The following SAMSN1 variants were observed in gnomAD, a reference collection of about 807,000 sequenced individuals.
SAMSN1 encodes SAM domain, SH3 domain and nuclear localization signals 1.
In SAMSN1, 31 loss-of-function variants were observed where a neutral mutation model predicts 42.0. That is an observed-to-expected ratio of 0.74 (90% CI 0.55 to 1.00). The LOEUF is 1.00. Ranked by LOEUF, SAMSN1 falls within the 50% of genes least tolerant of loss-of-function variation. SAMSN1 has a pLI of 0.00. For synonymous variants in SAMSN1, 178 were observed against 151.9 expected, an observed-to-expected ratio of 1.17 and a Z score of -1.26; for missense variants, 464 against 439.4, an observed-to-expected ratio of 1.06 and a Z score of -0.50.
intron 1 of SAMSN1, among the ~76,000 whole-genome samples, chr21:14,648,624 C>G (rs1265510456): frequency 6.6e-6 from 1 of 151,906 alleles, no homozygotes; most frequent in African/African-American, 2.4e-5. Flanking sequence ...TGAACAGACA[C>G]TTCTCAAAAG....
At chr21:14,641,975 A>G (rs1249149936) in intron 2 of SAMSN1, among the ~76,000 whole-genome samples, 1 of 152,230 alleles carries the variant, frequency 6.6e-6, no homozygotes, top group Non-Finnish European at 1.5e-5. Flanking sequence ...TGTATTATAT[A>G]CTGTGTTCTT....
chr21:14,588,680 C>A (rs1171291872), intron 7 of SAMSN1, among the ~76,000 whole-genome samples: 2 of 152,180 alleles, frequency 1.3e-5, no homozygotes, highest in East Asian at 3.8e-4. Flanking sequence ...CCCAAGTGCA[C>A]ATTCCATAAC....
intron 1 of SAMSN1, among the ~76,000 whole-genome samples, chr21:14,582,985 A>G (rs1005322533): frequency 2.6e-5 from 4 of 152,216 alleles, no homozygotes; most frequent in African/African-American, 9.6e-5. Flanking sequence ...ATATCAATCT[A>G]CCAAGAGATG....
At chr21:14,658,699 A>G (rs759744314) in intron 1 of SAMSN1, 4 of 714,010 alleles carry the variant, frequency 5.6e-6, no homozygotes, top group Non-Finnish European at 7.8e-6. Flanking sequence ...TCCTTTTGAC[A>G]CAGTAAAATT....
chr21:14,494,359 A>G (rs1184666133), intron 7 of SAMSN1, among the ~76,000 whole-genome samples: 1 of 152,142 alleles, frequency 6.6e-6, no homozygotes, highest in Non-Finnish European at 1.5e-5. Context: ...GCACATATAC[A>G]CCATGGAATA....
At chr21:14,598,998 T>C (rs1256244614) in intron 6 of SAMSN1, among the ~76,000 whole-genome samples, 11 of 152,186 alleles carry the variant, frequency 7.2e-5, no homozygotes, top group Admixed American at 7.2e-4. Context: ...CTTCACTTTT[T>C]CCATGAGGCT....
chr21:14,573,942 T>C (rs995482638), intron 2 of SAMSN1, among the ~76,000 whole-genome samples: 6 of 152,334 alleles, frequency 3.9e-5, no homozygotes, highest in African/African-American at 1.4e-4. Context: ...TTCTATAGTT[T>C]GCTTAGCAGT....
At chr21:14,551,370 G>C (rs1484784725) in intron 2 of SAMSN1, among the ~76,000 whole-genome samples, 4 of 152,078 alleles carry the variant, frequency 2.6e-5, no homozygotes, top group African/African-American at 7.2e-5. Flanking sequence ...GCCTTGAAGA[G>C]ACAAAGAACT....
intron 2 of SAMSN1, among the ~76,000 whole-genome samples, chr21:14,552,064 TA>T (rs1202586675): frequency 2.6e-5 from 4 of 152,078 alleles, no homozygotes; most frequent in African/African-American, 9.7e-5. Context: ...ATTACATGTG[TA>T]AAAAAATTTG....
At chr21:14,487,347 T>A (rs9980377) in intron 7 of SAMSN1, among the ~76,000 whole-genome samples, 10,948 of 150,160 alleles carry the variant, frequency 0.073, 638 homozygotes, top group African/African-American at 0.16. Flanking sequence ...TATTTATTTT[T>A]TATATATATA....
intron 3 of SAMSN1, among the ~76,000 whole-genome samples, chr21:14,515,256 A>G (rs1322107155): frequency 6.6e-6 from 1 of 152,236 alleles, no homozygotes; most frequent in African/African-American, 2.4e-5. Context: ...ATTGAAAAAG[A>G]GAATGGACAT....
chr21:14,609,424 T>A (rs1481625373), intron 5 of SAMSN1: 1 of 714,306 alleles, frequency 1.4e-6, no homozygotes, highest in Non-Finnish European at 2.6e-6. Flanking sequence ...TTTTCTTACC[T>A]GCCCTTTAAA....
intron 2 of SAMSN1, among the ~76,000 whole-genome samples, chr21:14,579,027 A>G (rs1309435099): frequency 6.6e-6 from 1 of 152,218 alleles, no homozygotes; most frequent in Non-Finnish European, 1.5e-5. Context: ...TACTATTGAA[A>G]AAAATACCAG....
At chr21:14,561,546 AC>A (rs1980947251) in intron 2 of SAMSN1, among the ~76,000 whole-genome samples, 1 of 152,182 alleles carries the variant, frequency 6.6e-6, no homozygotes, top group South Asian at 2.1e-4. Context: ...GAGGGAGATG[AC>A]AGGTGTTAGT....
chr21:14,612,648 G>A (rs893698189), intron 4 of SAMSN1: 2 of 596,438 alleles, frequency 3.4e-6, no homozygotes, highest in East Asian at 3.6e-5. Flanking sequence ...GGATTATTCT[G>A]TTTAAATATA....
exon 2 of SAMSN1, chr21:14,582,416 C>T: frequency 6.5e-7 from 1 of 1,548,364 alleles, no homozygotes; most frequent in Non-Finnish European, 8.7e-7. Flanking sequence ...CCTCCTCGTG[C>T]TAACACTATT....
upstream of SAMSN1, among the ~76,000 whole-genome samples, chr21:14,585,883 A>C (rs1276363288): frequency 6.6e-6 from 1 of 152,206 alleles, no homozygotes; most frequent in African/African-American, 2.4e-5. Context: ...AATAGGTACT[A>C]TATATCCAAG....
At chr21:14,582,475 G>A in exon 2 of SAMSN1, 1 of 1,189,672 alleles carries the variant, frequency 8.4e-7, no homozygotes, top group Middle Eastern at 1.9e-4. Flanking sequence ...AAATCAACGT[G>A]TCATCTTCAT....
intron 5 of SAMSN1, among the ~76,000 whole-genome samples, chr21:14,605,993 C>T (rs1294279361): frequency 2.6e-5 from 4 of 151,880 alleles, no homozygotes; most frequent in African/African-American, 9.7e-5. Flanking sequence ...AGGCGCCCGC[C>T]ACCACGCCCG....
Sources: gnomAD v4.1 joint callset for allele counts (sites outside exome capture counted in the v4.1 genomes callset) on GRCh38, gnomAD v4.1.1 for gene constraint, MANE v1.5 for transcripts, NCBI Gene and HGNC (gene_info 2026-07-23, HGNC 2026-07-21) for gene names.